Variants in ROBO1 observed in about 807,000 individuals in gnomAD.
The protein encoded by ROBO1 is roundabout homolog 1.
A neutral mutation model predicts 195.9 loss-of-function variants in ROBO1; 149 were observed. The observed-to-expected ratio is 0.76, with a 90% CI of 0.67 to 0.87. The LOEUF is 0.87. Among genes scored for constraint, ROBO1 ranks in the 40% least tolerant of loss-of-function variants. The pLI is 0.00. For synonymous variants in ROBO1, 816 were observed against 733.2 expected, an observed-to-expected ratio of 1.11 and a Z score of -1.82; for missense variants, 1,933 against 2,068.3, an observed-to-expected ratio of 0.93 and a Z score of 1.27.
chr3:79,533,892 A>T (rs1941752760), intron 2 of ROBO1, among the ~76,000 whole-genome samples: 1 of 152,098 alleles, frequency 6.6e-6, no homozygotes. Flanking sequence ...AATTGTGAAG[A>T]TATTTCCTTA....
At chr3:79,029,883 T>A (rs892518467) in intron 3 of ROBO1, among the ~76,000 whole-genome samples, 4 of 152,180 alleles carry the variant, frequency 2.6e-5, no homozygotes, top group Non-Finnish European at 4.4e-5. Flanking sequence ...TAAAAATATA[T>A]CTCTTAAGCC....
intron 2 of ROBO1, among the ~76,000 whole-genome samples, chr3:79,569,681 GTGTGTGTGTATATA>G (rs1943212221): frequency 2.7e-5 from 4 of 148,982 alleles, no homozygotes; most frequent in Admixed American, 6.7e-5. Context: ...GTGTATATAT[GTGTGTGTGTATATA>G]TATATGTGTG....
chr3:78,864,696 GTATA>G (rs936314275), intron 4 of ROBO1, among the ~76,000 whole-genome samples: 12 of 151,212 alleles, frequency 7.9e-5, no homozygotes, highest in Admixed American at 2.0e-4. Context: ...ATGCATGTAT[GTATA>G]TATACATATA....
intron 1 of ROBO1, among the ~76,000 whole-genome samples, chr3:79,610,207 A>G (rs1944614260): frequency 6.6e-6 from 1 of 151,936 alleles, no homozygotes; most frequent in Non-Finnish European, 1.5e-5. Flanking sequence ...GCGCAAAACC[A>G]TGGATAGTAC....
intron 2 of ROBO1, among the ~76,000 whole-genome samples, chr3:79,129,315 C>A (rs182142798): frequency 7.2e-5 from 11 of 152,054 alleles, no homozygotes; most frequent in African/African-American, 2.7e-4. Context: ...AAATATTTTG[C>A]GATATGGCTT....
intron 3 of ROBO1, among the ~76,000 whole-genome samples, chr3:79,080,781 A>G (rs1214654452): frequency 6.6e-6 from 1 of 152,126 alleles, no homozygotes; most frequent in Non-Finnish European, 1.5e-5. Context: ...TCTGACCAAA[A>G]TAAGTCCAGT....
chr3:78,765,766 A>AG lies in ROBO1; in HGVS notation c.500-18867dup, dbSNP rs574149050. Among the ~76,000 whole-genome samples, 224 of 152,298 alleles carry AG rather than the reference A, an allele frequency of 1.5e-3. 1 individual carries two copies. The highest frequency in any genetic ancestry group is 5.1e-3 in the African/African-American group (212 of 41,582). On this transcript the variant is annotated intron_variant, in intron 4 of 30. Transcript: ENST00000464233. ...AAAGCTAGTTAAACAGATGGCACTC[A>AG]GGATTTCTCAATGAATTCAGCATCT... is the stretch of plus-strand genomic sequence containing the variant.
At chr3:78,862,042 T>C (rs948281230) in intron 4 of ROBO1, among the ~76,000 whole-genome samples, 1 of 152,066 alleles carries the variant, frequency 6.6e-6, no homozygotes, top group Non-Finnish European at 1.5e-5. Context: ...AGGAACTTTG[T>C]AGATGTAGTT....
intron 4 of ROBO1, among the ~76,000 whole-genome samples, chr3:78,846,964 C>T (rs892047600): frequency 6.6e-6 from 1 of 152,124 alleles, no homozygotes; most frequent in African/African-American, 2.4e-5. Context: ...GGAAACACAG[C>T]TGCTACAGCT....
At position 79,610,025 on chromosome 3, in the gene ROBO1, G is replaced by T. The variant is rs553528638; in HGVS notation, c.-50-20064C>A. 4.0e-5 allele frequency among the ~76,000 whole-genome samples: 6 copies of T among 151,890 alleles called. No homozygotes were observed. The South Asian group carries it at 1.2e-3, about 31-fold the overall frequency. ...ATTTTATGTTATATATATTTTATCA[G>T]TATTCTAAAATTATAAATAGACTAA... On this transcript the variant is annotated intron_variant, in intron 1 of 30. Transcript: ENST00000464233.
chr3:78,881,868 A>G (rs2107263195), intron 4 of ROBO1, among the ~76,000 whole-genome samples: 1 of 152,298 alleles, frequency 6.6e-6, no homozygotes, highest in South Asian at 2.1e-4. Context: ...TTAATATTAT[A>G]CTTTTAATGG....
chr3:79,079,289 A>G (rs2079228916), intron 3 of ROBO1, among the ~76,000 whole-genome samples: 1 of 151,846 alleles, frequency 6.6e-6, no homozygotes, highest in Admixed American at 6.6e-5. Flanking sequence ...AAATTCTAGA[A>G]CTTAAAGTTC....
At chr3:78,738,090 C>T (rs1214199911) in intron 5 of ROBO1, among the ~76,000 whole-genome samples, 1 of 151,944 alleles carries the variant, frequency 6.6e-6, no homozygotes, top group African/African-American at 2.4e-5. Flanking sequence ...AAGCACTAAT[C>T]GAAGGAAGGG....
At chr3:78,844,021 A>G (rs966376553) in intron 4 of ROBO1, among the ~76,000 whole-genome samples, 1 of 152,108 alleles carries the variant, frequency 6.6e-6, no homozygotes, top group African/African-American at 2.4e-5. Flanking sequence ...TATTAACTCC[A>G]CTAAATCACT....
chr3:78,807,844 C>A (rs1177615828), intron 4 of ROBO1, among the ~76,000 whole-genome samples: 1 of 152,170 alleles, frequency 6.6e-6, no homozygotes, highest in African/African-American at 2.4e-5. Flanking sequence ...GCATAGGGAA[C>A]TGAGATGGTG....
intron 2 of ROBO1, among the ~76,000 whole-genome samples, chr3:79,249,290 A>G (rs2082678183): frequency 6.6e-6 from 1 of 152,212 alleles, no homozygotes; most frequent in Non-Finnish European, 1.5e-5. Flanking sequence ...CAGCACGAAG[A>G]GGACTACGTT....
At chr3:79,386,832 A>G (rs2106669945) in intron 2 of ROBO1, among the ~76,000 whole-genome samples, 1 of 152,268 alleles carries the variant, frequency 6.6e-6, no homozygotes, top group African/African-American at 2.4e-5. Flanking sequence ...ACTCTACAGA[A>G]TATGAAAGCT....
intron 2 of ROBO1, among the ~76,000 whole-genome samples, chr3:79,312,338 A>T (rs1020962043): frequency 1.3e-5 from 2 of 152,170 alleles, no homozygotes; most frequent in African/African-American, 4.8e-5. Context: ...TGTTTTACTT[A>T]CTTCAAAGAA....
chr3:78,743,411 A>G (rs1220992480), intron 5 of ROBO1, among the ~76,000 whole-genome samples: 1 of 151,296 alleles, frequency 6.6e-6, no homozygotes, highest in African/African-American at 2.4e-5. Context: ...GGCCCTTCTA[A>G]CTCTCCTCCT....
Sources: allele counts gnomAD v4.1 joint callset (sites outside exome capture counted in the v4.1 genomes callset), GRCh38; gene constraint gnomAD v4.1.1; transcripts MANE v1.5; gene names NCBI Gene and HGNC (gene_info 2026-07-23, HGNC 2026-07-21).